Variants in OSBPL1A observed in about 807,000 individuals in gnomAD.
OSBPL1A encodes the protein oxysterol binding protein like 1A, also known as oxysterol-binding protein-related protein 1.
OSBPL1A carries 80 observed loss-of-function variants against 137.1 expected under a neutral mutation model. The observed-to-expected ratio is 0.58, with a 90% CI of 0.49 to 0.70. The LOEUF is 0.70. Ranked by LOEUF, OSBPL1A falls within the 30% of genes least tolerant of loss-of-function variation. OSBPL1A has a pLI of 0.00. For missense variants in OSBPL1A, 970 were observed against 1,129.4 expected, an observed-to-expected ratio of 0.86 and a Z score of 2.02; for synonymous variants, 365 against 389.7, an observed-to-expected ratio of 0.94 and a Z score of 0.75.
At chr18:24,224,979 TATGA>T (rs1367358066) in intron 17 of OSBPL1A, 59 bp downstream of exon 17, 11 of 1,589,954 alleles carry the variant, frequency 6.9e-6, no homozygotes, top group Non-Finnish European at 9.5e-6. Flanking sequence ...TATATTTCTT[TATGA>T]ATCCAAATGT....
At chr18:24,183,146 G>A (rs900817872) in intron 18 of OSBPL1A, among the ~76,000 whole-genome samples, 12 of 151,866 alleles carry the variant, frequency 7.9e-5, no homozygotes, top group East Asian at 3.9e-4. Context: ...AAAAGGCTGC[G>A]ATTACAGGTG....
chr18:24,167,087 G>GA (rs1379103057), intron 25 of OSBPL1A, among the ~76,000 whole-genome samples: 1 of 152,170 alleles, frequency 6.6e-6, no homozygotes, highest in Non-Finnish European at 1.5e-5. Flanking sequence ...AGCTACTAAA[G>GA]AAGCCCCAGT....
intron 4 of OSBPL1A, among the ~76,000 whole-genome samples, chr18:24,356,934 G>A (rs938887315): frequency 9.2e-5 from 14 of 152,158 alleles, no homozygotes; most frequent in Non-Finnish European, 1.6e-4. Flanking sequence ...TACATGGTAA[G>A]CAGCAACCGA....
intron 4 of OSBPL1A, among the ~76,000 whole-genome samples, chr18:24,346,400 A>G (rs978947143): frequency 6.6e-6 from 1 of 152,218 alleles, no homozygotes; most frequent in Non-Finnish European, 1.5e-5. Context: ...GTTGTACATC[A>G]TCACTATCTA....
At chr18:24,371,317 A>C (rs1905617064) in intron 2 of OSBPL1A, among the ~76,000 whole-genome samples, 1 of 152,174 alleles carries the variant, frequency 6.6e-6, no homozygotes. Context: ...GTCCTTCACT[A>C]GTCTCCTCAA....
chr18:24,240,569 GA>G (rs1287397664), intron 15 of OSBPL1A, among the ~76,000 whole-genome samples: 2 of 152,198 alleles, frequency 1.3e-5, no homozygotes, highest in Admixed American at 6.5e-5. Context: ...ACAGGAGGCA[GA>G]AAAGCAGGGA....
intron 14 of OSBPL1A, among the ~76,000 whole-genome samples, chr18:24,284,883 T>G (rs1411241180): frequency 6.6e-6 from 1 of 152,160 alleles, no homozygotes; most frequent in African/African-American, 2.4e-5. Context: ...TCAAATGCCA[T>G]CCTCCCCCAG....
At chr18:24,273,956 G>A (rs781779039) in intron 15 of OSBPL1A, among the ~76,000 whole-genome samples, 3 of 152,042 alleles carry the variant, frequency 2.0e-5, no homozygotes, top group African/African-American at 4.8e-5. Context: ...AAATTGAACC[G>A]GGCACGGTGG....
At chr18:24,288,845 A>G (rs1014242052) in intron 14 of OSBPL1A, among the ~76,000 whole-genome samples, 4 of 152,050 alleles carry the variant, frequency 2.6e-5, no homozygotes, top group Admixed American at 1.3e-4. Context: ...GCTATGGCCT[A>G]TTTTAGCATA....
At chr18:24,345,140 T>A (rs2091324813) in intron 4 of OSBPL1A, among the ~76,000 whole-genome samples, 2 of 149,350 alleles carry the variant, frequency 1.3e-5, no homozygotes, top group Admixed American at 6.7e-5. Context: ...TAAAAAAAAA[T>A]AAAAAAATCA....
intron 15 of OSBPL1A, chr18:24,272,283 C>G: frequency 1.0e-6 from 1 of 982,922 alleles, no homozygotes; most frequent in Non-Finnish European, 1.2e-6. Flanking sequence ...CCAACCCGCC[C>G]CTTGGGAAAC....
chr18:24,359,267 G>A (rs1415259159), intron 4 of OSBPL1A, among the ~76,000 whole-genome samples: 1 of 151,742 alleles, frequency 6.6e-6, no homozygotes, highest in Admixed American at 6.6e-5. Flanking sequence ...ATGGTGGGGG[G>A]CGGGAAGAGG....
intron 1 of OSBPL1A, among the ~76,000 whole-genome samples, chr18:24,384,380 C>G (rs2146212349): frequency 6.6e-6 from 1 of 152,260 alleles, no homozygotes; most frequent in Admixed American, 6.5e-5. Context: ...TGGAGGCCAG[C>G]CTGGCCAACA....
intron 16 of OSBPL1A, among the ~76,000 whole-genome samples, chr18:24,230,749 A>G (rs1487103688): frequency 6.6e-6 from 1 of 152,204 alleles, no homozygotes; most frequent in African/African-American, 2.4e-5. Context: ...ATTTTAGGAA[A>G]CTTCTGACCC....
intron 18 of OSBPL1A, among the ~76,000 whole-genome samples, chr18:24,195,665 C>A (rs1040912566): frequency 2.6e-5 from 4 of 152,122 alleles, no homozygotes; most frequent in Admixed American, 1.3e-4. Context: ...GCTGCCATCT[C>A]CCTACCTCCC....
chr18:24,182,913 G>A (rs1295260900), intron 18 of OSBPL1A, among the ~76,000 whole-genome samples: 2 of 151,684 alleles, frequency 1.3e-5, no homozygotes, highest in Admixed American at 1.3e-4. Context: ...CTGTCACCCA[G>A]GCTGGAGTAC....
intron 1 of OSBPL1A, among the ~76,000 whole-genome samples, chr18:24,378,188 G>T (rs890284606): frequency 3.9e-5 from 6 of 152,028 alleles, no homozygotes; most frequent in African/African-American, 1.4e-4. Flanking sequence ...GCAATTCCCA[G>T]AAGTATGTCA....
intron 17 of OSBPL1A, among the ~76,000 whole-genome samples, chr18:24,215,353 T>C (rs1448879787): frequency 1.3e-5 from 2 of 152,226 alleles, no homozygotes; most frequent in Admixed American, 6.5e-5. Context: ...CAGCAGGTCA[T>C]AGCCCAGACA....
At chr18:24,358,786 G>C (rs567950225) in intron 4 of OSBPL1A, among the ~76,000 whole-genome samples, 1 of 152,290 alleles carries the variant, frequency 6.6e-6, no homozygotes, top group African/African-American at 2.4e-5. Flanking sequence ...TGTCATCCAA[G>C]CTGGAGTGCG....
Sources: gnomAD v4.1 joint callset for allele counts (sites outside exome capture counted in the v4.1 genomes callset) on GRCh38, gnomAD v4.1.1 for gene constraint, MANE v1.5 for transcripts, NCBI Gene and HGNC (gene_info 2026-07-23, HGNC 2026-07-21) for gene names.